Variants in ABCA1 observed in about 807,000 individuals in gnomAD.
The protein encoded by ABCA1 is ATP binding cassette subfamily A member 1, also known as phospholipid-transporting ATPase ABCA1.
In ABCA1, 133 loss-of-function variants were observed where a neutral mutation model predicts 262.5. The ratio of observed to expected loss-of-function variants is 0.51; its 90% CI spans 0.44 to 0.59. The LOEUF (loss-of-function observed/expected upper bound fraction) is 0.59, where lower values mean the gene tolerates loss of function less well. Among genes scored for constraint, ABCA1 ranks in the 20% least tolerant of loss-of-function variants. The probability of loss-of-function intolerance (pLI) is 0.00; values close to 1 mark genes in which losing one functional copy is unlikely to be tolerated. For missense variants in ABCA1, 2,452 were observed against 2,777.5 expected (o/e 0.88, Z 2.63); for synonymous variants, 1,022 against 1,043.5 (o/e 0.98, Z 0.40).
chr9:104,831,149 T>TAAAAAA (rs34121951), intron 13 of ABCA1, 48 bp from the exon 14 acceptor site: 107 of 926,060 alleles, frequency 1.2e-4, no homozygotes, highest in East Asian at 8.6e-4. Context: ...AACCATACAA[T>TAAAAAA]AAAAAAAAAA....
At chr9:104,846,661 T>A (rs528344915) in intron 7 of ABCA1, among the ~76,000 whole-genome samples, 17 of 152,332 alleles carry the variant, frequency 1.1e-4, no homozygotes, top group African/African-American at 4.1e-4. Flanking sequence ...TCAATGTGCA[T>A]TTCTAAGAAA....
At chr9:104,887,798 C>G (rs1330416956) in intron 3 of ABCA1, among the ~76,000 whole-genome samples, 1 of 145,076 alleles carries the variant, frequency 6.9e-6, no homozygotes, top group Non-Finnish European at 1.5e-5. Flanking sequence ...GCAATCTCGG[C>G]TCACTGCAAC....
In ABCA1 at chr9:104,812,753, T is replaced by C. The variant is rs764212278; in HGVS notation, c.3902-31A>G. ...AGAAGCCAACACTGAAGGTCACCTATTATCTTAGGTGTTTTCGGCATTGCC... is the reference window on the plus strand; with the variant it reads ...AGAAGCCAACACTGAAGGTCACCTACTATCTTAGGTGTTTTCGGCATTGCC... On this transcript the variant is annotated intron_variant, in intron 27 of 49. Coordinates refer to ENST00000374736, the MANE Select transcript of ABCA1 (RefSeq NM_005502.4). The C allele has an allele frequency of 2.5e-6, 4 of 1,613,870 alleles. No homozygotes were observed. In the South Asian group the frequency reaches 3.3e-5, roughly 13 times the overall value.
intron 3 of ABCA1, among the ~76,000 whole-genome samples, chr9:104,887,485 T>G: frequency 6.6e-6 from 1 of 152,118 alleles, no homozygotes; most frequent in East Asian, 1.9e-4. Context: ...CCGAAGACAT[T>G]TGCTATTTCC....
intron 2 of ABCA1, among the ~76,000 whole-genome samples, chr9:104,895,467 C>A (rs1332270564): frequency 6.6e-6 from 1 of 152,100 alleles, no homozygotes; most frequent in Admixed American, 6.6e-5. Context: ...ATTGTGACAA[C>A]CAAAAATATC....
At chr9:104,828,587 A>G (rs908481671) in intron 15 of ABCA1, among the ~76,000 whole-genome samples, 2 of 152,194 alleles carry the variant, frequency 1.3e-5, no homozygotes, top group African/African-American at 4.8e-5. Context: ...CACCCAATAT[A>G]TCTAAGAAAA....
chr9:104,807,498 G>A (rs1192372826), intron 30 of ABCA1, among the ~76,000 whole-genome samples: 1 of 152,098 alleles, frequency 6.6e-6, no homozygotes, highest in Non-Finnish European at 1.5e-5. Flanking sequence ...TAAAGTTACA[G>A]CAATTATTTC....
chr9:104,801,660 G>A (rs1830350561), intron 34 of ABCA1, among the ~76,000 whole-genome samples: 1 of 152,102 alleles, frequency 6.6e-6, no homozygotes, highest in South Asian at 2.1e-4. Context: ...TCCTGCCTCA[G>A]CCTCCCAAGT....
intron 13 of ABCA1, 38 bp downstream of exon 13, chr9:104,831,584 T>G (rs1049925182): frequency 8.0e-5 from 125 of 1,564,598 alleles, no homozygotes; most frequent in Non-Finnish European, 9.6e-5. Context: ...GCTCTGGACC[T>G]CCCCAAGACC....
rs1831393913 is a variant in ABCA1 at position 104,812,792 on chromosome 9, T to C, written c.3902-70A>G. 12 of 1,594,020 alleles carry C rather than the reference T, an allele frequency of 7.5e-6. No individual in the cohort carries two copies. In the South Asian group the frequency reaches 1.3e-4, roughly 18 times the overall value. On this transcript the variant is annotated intron_variant, in intron 27 of 49. Transcript: ENST00000374736. The stretch of plus-strand genomic sequence containing the variant: ...TTCGGCATTGCCATGCTCCTTCTTC[T>C]GGTGTCTTCAACAACTATCTTGAAG...
In ABCA1 at chr9:104,793,673, T is replaced by C. The variant is rs150253800; in HGVS notation, c.5507-373A>G. 2.4e-3 allele frequency among the ~76,000 whole-genome samples: 359 copies of C among 152,278 alleles called. 1 individual carries two copies. The highest frequency in any genetic ancestry group is 7.6e-3 in the African/African-American group (317 of 41,566). On this transcript the variant is annotated intron_variant, in intron 40 of 49. Coordinates refer to ENST00000374736, the MANE Select transcript of ABCA1 (RefSeq NM_005502.4). ...TTCTAAGTTTTAGTAATAATAAATA[T>C]CAGAAAGCACTTTAAGCAGATTCCC...
chr9:104,840,768 T>C (rs1188022390), intron 8 of ABCA1, among the ~76,000 whole-genome samples: 3 of 152,208 alleles, frequency 2.0e-5, no homozygotes, highest in African/African-American at 7.2e-5. Context: ...ATGCGGATTC[T>C]GAGACCCCTC....
Position 104,828,906 on chromosome 9 carries a change from G to C in ABCA1, c.2115+10C>G, listed in dbSNP as rs1833022064. On this transcript the variant is annotated intron_variant, in intron 15 of 49. Transcript: ENST00000374736. ...TTCCTGGCAGGGAAGAGCGAGTGAG[G>C]CTGCCTTACCTTCAGGATGACCACT... 1 of 1,613,486 alleles carries C rather than the reference G, an allele frequency of 6.2e-7. No individual in the cohort carries two copies. The highest frequency in any genetic ancestry group is 2.2e-5 in the East Asian group (1 of 44,856).
intron 1 of ABCA1, among the ~76,000 whole-genome samples, chr9:104,905,701 A>G (rs895033101): frequency 6.6e-6 from 1 of 152,252 alleles, no homozygotes; most frequent in Non-Finnish European, 1.5e-5. Context: ...TAAGTGGCTC[A>G]GGACAGAGCT....
Position 104,822,484 on chromosome 9 carries a change from C to T in ABCA1, c.2828+12G>A. ...TGTGGCTGATTCTGCGGGAACCACA[C>T]CCTCTTCTTACATGGTGGTCGTCTT... On this transcript the variant is annotated intron_variant, in intron 19 of 49. Coordinates refer to ENST00000374736, the MANE Select transcript of ABCA1 (RefSeq NM_005502.4). 1.2e-6 allele frequency: 2 copies of T among 1,612,928 alleles called. No homozygotes were observed. Among genetic ancestry groups the T allele is most frequent in the Middle Eastern group, 2.0e-4 (1 of 5,122 alleles).
rs1415424191 is a variant in ABCA1, at chr9:104,819,941, G to A, written c.3089C>T (p.Thr1030Ile). 1 of 1,613,562 alleles carries A rather than the reference G, an allele frequency of 6.2e-7. No homozygotes were observed. Among genetic ancestry groups the A allele is most frequent in the Non-Finnish European group, 8.5e-7 (1 of 1,179,996 alleles). The change falls in exon 21 of 50, where the codon ACA (threonine) becomes ATA (isoleucine). Residue 1030 changes from threonine to isoleucine, a missense_variant. By Grantham distance (89) the Thr-to-Ile change is moderately conservative. Coordinates refer to ENST00000374736, the MANE Select transcript of ABCA1 (RefSeq NM_005502.4). ...CTGGGCCGCACCTGACAGCTGGCTT[G>A]TTTTGCTTTTCAGCTTGCTTGATGG... is the stretch of plus-strand genomic sequence containing the variant. ...GLPSSKLKSK[T>I]SQLSGGMQRK... is the part of the protein sequence containing the mutation.
At chr9:104,829,943 T>TAA (rs1285353725) in intron 14 of ABCA1, among the ~76,000 whole-genome samples, 1 of 140,802 alleles carries the variant, frequency 7.1e-6, no homozygotes, top group Non-Finnish European at 1.6e-5. Context: ...TCCTGATCCC[T>TAA]ACACACACAC....
chr9:104,806,510 C>T (rs1402167369), intron 30 of ABCA1, 80 bp from the exon 31 acceptor site: 36 of 1,388,640 alleles, frequency 2.6e-5, no homozygotes, highest in East Asian at 7.0e-5. Context: ...AGGATCATTC[C>T]GTAACAACCA....
Position 104,817,164 on chromosome 9 carries a change from G to A in ABCA1, c.3535+168C>T, listed in dbSNP as rs1316653387. On this transcript the variant is annotated intron_variant, in intron 24 of 49. Coordinates refer to ENST00000374736, the MANE Select transcript of ABCA1 (RefSeq NM_005502.4). The surrounding 1 kb of genome is among the most constrained non-coding windows in gnomAD (Gnocchi z 4.7). ...CCCCAGGCACCCCAGCAAGCATTAG[G>A]CCAACCCGCCACCAAGCTGCTCCCA... 1 of 977,752 alleles carries A rather than the reference G, an allele frequency of 1.0e-6. No homozygotes were observed. The highest frequency in any genetic ancestry group is 1.1e-4 in the East Asian group (1 of 8,726). The allele number at this position is 977,752 out of a possible 1,614,324, so 60.6% of individuals were successfully genotyped here. A position where few individuals can be genotyped will look rare whatever the true frequency, so the allele number is the denominator to read the frequency against.
Sources: gnomAD v4.1 joint callset for allele counts (sites outside exome capture counted in the v4.1 genomes callset) on GRCh38, gnomAD v4.1.1 for gene constraint, Gnocchi (gnomAD v3.1) non-coding constraint, MANE v1.5 for transcripts, NCBI Gene and HGNC (gene_info 2026-07-23, HGNC 2026-07-21) for gene names.